The following PTPRG variants were observed in gnomAD, a reference collection of about 807,000 sequenced individuals.
PTPRG encodes the protein receptor-type tyrosine-protein phosphatase gamma.
In PTPRG, 102 loss-of-function variants were observed where a neutral mutation model predicts 165.3. The ratio of observed to expected loss-of-function variants is 0.62; its 90% CI spans 0.53 to 0.73. PTPRG has a LOEUF of 0.73. Ranked by LOEUF, PTPRG falls within the 30% of genes least tolerant of loss-of-function variation. The pLI, the probability that PTPRG is intolerant of heterozygous loss-of-function variation, is 0.00. For missense variants in PTPRG, 1,866 were observed against 1,861.4 expected, an observed-to-expected ratio of 1.00 and a Z score of -0.05; for synonymous variants, 675 against 669.5, an observed-to-expected ratio of 1.01 and a Z score of -0.13.
intron 2 of PTPRG, among the ~76,000 whole-genome samples, chr3:61,767,247 A>AAAAAAAAAAG (rs2034053261): frequency 6.7e-6 from 1 of 148,724 alleles, no homozygotes; most frequent in Non-Finnish European, 1.5e-5. Flanking sequence ...TCTCAAAAAA[A>AAAAAAAAAAG]AAAAAAAAAA....
chr3:61,887,534 A>C (rs1401644675), intron 2 of PTPRG, among the ~76,000 whole-genome samples: 2 of 152,194 alleles, frequency 1.3e-5, no homozygotes, highest in Non-Finnish European at 2.9e-5. Flanking sequence ...ACACACCAGA[A>C]AGGAAGTTCC....
chr3:61,800,083 G>C (rs2035186663), intron 2 of PTPRG, among the ~76,000 whole-genome samples: 1 of 152,148 alleles, frequency 6.6e-6, no homozygotes, highest in Non-Finnish European at 1.5e-5. Context: ...GAAAAATAAA[G>C]ACTCTGTGGT....
intron 2 of PTPRG, among the ~76,000 whole-genome samples, chr3:61,971,649 G>A (rs978678149): frequency 6.6e-6 from 1 of 152,194 alleles, no homozygotes; most frequent in Non-Finnish European, 1.5e-5. Flanking sequence ...CAAGAGAGGA[G>A]ATGTCACATA....
intron 2 of PTPRG, among the ~76,000 whole-genome samples, chr3:61,803,500 A>G (rs2035317889): frequency 7.0e-6 from 1 of 143,374 alleles, no homozygotes; most frequent in Non-Finnish European, 1.5e-5. Flanking sequence ...ATGTTGTCCA[A>G]CATGGACAAC....
At position 62,273,941 on chromosome 3, in the gene PTPRG, C is replaced by T. The variant is rs761542498; in HGVS notation, c.3465+97C>T. 1.3e-4 allele frequency: 154 copies of T among 1,194,646 alleles called. 1 individual carries two copies. Among genetic ancestry groups the T allele is most frequent in the South Asian group, 4.4e-4 (31 of 70,680 alleles). The allele number at this position is 1,194,646 out of a possible 1,614,324, so 74.0% of individuals were successfully genotyped here. ...GTCTTCTTTGCATTAATGTATACAC[C>T]GAAATGGATTACTATTTGTACTCCT... On this transcript the variant is annotated intron_variant, in intron 23 of 29. Coordinates refer to ENST00000474889, the MANE Select transcript of PTPRG (RefSeq NM_002841.4). The surrounding 1 kb of genome is among the most constrained non-coding windows in gnomAD (Gnocchi z 4.1).
At chr3:61,931,797 T>G (rs1314964343) in intron 2 of PTPRG, among the ~76,000 whole-genome samples, 1 of 152,194 alleles carries the variant, frequency 6.6e-6, no homozygotes, top group African/African-American at 2.4e-5. Flanking sequence ...CATATTATCA[T>G]TTTTCATTGT....
intron 1 of PTPRG, among the ~76,000 whole-genome samples, chr3:61,689,992 C>G (rs761239820): frequency 6.6e-6 from 1 of 152,180 alleles, no homozygotes; most frequent in Non-Finnish European, 1.5e-5. Context: ...TGAAAGCATA[C>G]TCCATTGGAA....
At chr3:61,764,503 T>C (rs1575645096) in intron 2 of PTPRG, among the ~76,000 whole-genome samples, 2 of 152,114 alleles carry the variant, frequency 1.3e-5, no homozygotes, top group African/African-American at 4.8e-5. Context: ...CATCATTCTG[T>C]GAAATAAAGT....
intron 1 of PTPRG, among the ~76,000 whole-genome samples, chr3:61,598,024 C>T (rs970727352): frequency 2.0e-5 from 3 of 152,076 alleles, no homozygotes; most frequent in South Asian, 2.1e-4. Context: ...GGGAAGGAAC[C>T]GCTGGCACTG....
chr3:61,654,845 A>G (rs1180672593), intron 1 of PTPRG, among the ~76,000 whole-genome samples: 2 of 145,252 alleles, frequency 1.4e-5, no homozygotes, highest in African/African-American at 2.6e-5. Context: ...GCAGTGGTGC[A>G]ATCTCGGCTC....
At chr3:61,685,724 C>T (rs1437349780) in intron 1 of PTPRG, among the ~76,000 whole-genome samples, 1 of 152,148 alleles carries the variant, frequency 6.6e-6, no homozygotes, top group East Asian at 1.9e-4. Context: ...GTGTTGGGGT[C>T]CCTATTCTGT....
At chr3:62,033,699 G>T (rs763811666) in intron 4 of PTPRG, among the ~76,000 whole-genome samples, 1 of 152,004 alleles carries the variant, frequency 6.6e-6, no homozygotes, top group Admixed American at 6.5e-5. Flanking sequence ...GCAAATTACA[G>T]AGGGAGAGAG....
chr3:62,282,664 G>C, intron 27 of PTPRG, 63 bp from the exon 28 acceptor site: 1 of 1,514,708 alleles, frequency 6.6e-7, no homozygotes, highest in Non-Finnish European at 8.9e-7. Flanking sequence ...GCAAGTTCTA[G>C]TCATTAGATT....
At chr3:61,962,240 A>G (rs1005511048) in intron 2 of PTPRG, among the ~76,000 whole-genome samples, 1 of 152,212 alleles carries the variant, frequency 6.6e-6, no homozygotes, top group Non-Finnish European at 1.5e-5. Context: ...TCAAGACAAG[A>G]TCAGGATAAT....
At chr3:61,832,479 C>T (rs150079594) in intron 2 of PTPRG, among the ~76,000 whole-genome samples, 2 of 152,140 alleles carry the variant, frequency 1.3e-5, no homozygotes, top group Non-Finnish European at 2.9e-5. Flanking sequence ...AGAAACTGAC[C>T]TGGACTTGAA....
chr3:61,729,935 G>T (rs2032424929), intron 1 of PTPRG, among the ~76,000 whole-genome samples: 1 of 152,172 alleles, frequency 6.6e-6, no homozygotes, highest in African/African-American at 2.4e-5. Flanking sequence ...GCCTAGATAT[G>T]TGATAATATA....
rs536497397 is a variant in PTPRG, at chr3:62,112,215, C to T, written c.616-20387C>T. Among the ~76,000 whole-genome samples the T allele has an allele frequency of 8.5e-5, 13 of 152,250 alleles. No individual in the cohort carries two copies. The South Asian group carries it at 1.9e-3, about 22-fold the overall frequency. ...TGCCTCCCAGATTCAAGTGATTCTC[C>T]TGCCTCAGCCTCCTGAGTAGCTGGG... On this transcript the variant is annotated intron_variant, in intron 5 of 29. Coordinates refer to ENST00000474889, the MANE Select transcript of PTPRG (RefSeq NM_002841.4).
intron 2 of PTPRG, among the ~76,000 whole-genome samples, chr3:61,886,948 G>A (rs1299251372): frequency 6.6e-6 from 1 of 150,542 alleles, no homozygotes; most frequent in Admixed American, 6.6e-5. Flanking sequence ...GATTAGGGAC[G>A]AGGTCAAACA....
At chr3:61,722,280 T>G (rs559526521) in intron 1 of PTPRG, among the ~76,000 whole-genome samples, 1 of 151,988 alleles carries the variant, frequency 6.6e-6, no homozygotes, top group Non-Finnish European at 1.5e-5. Context: ...CTGTTTATAA[T>G]GAACTCTCTC....
Sources: gnomAD v4.1 joint callset for allele counts (sites outside exome capture counted in the v4.1 genomes callset) on GRCh38, gnomAD v4.1.1 for gene constraint, Gnocchi (gnomAD v3.1) non-coding constraint, MANE v1.5 for transcripts, NCBI Gene and HGNC (gene_info 2026-07-23, HGNC 2026-07-21) for gene names.